Variants in EEF1D observed in about 807,000 individuals in gnomAD.
EEF1D encodes the protein eukaryotic translation elongation factor 1 delta.
A neutral mutation model predicts 63.9 loss-of-function variants in EEF1D; 47 were observed. The observed-to-expected ratio is 0.74, with a 90% confidence interval of 0.58 to 0.94. EEF1D has a LOEUF of 0.94. EEF1D is among the 40% of genes least tolerant of loss of function. The pLI, the probability that EEF1D is intolerant of heterozygous loss-of-function variation, is 0.00. For missense variants in EEF1D, 907 were observed against 899.0 expected (o/e 1.01, Z -0.11); for synonymous variants, 412 against 386.1 (o/e 1.07, Z -0.79).
chr8:143,595,863 C>T (rs897351784), intron 1 of EEF1D, among the ~76,000 whole-genome samples: 1 of 152,216 alleles, frequency 6.6e-6, no homozygotes, highest in African/African-American at 2.4e-5. Flanking sequence ...TGGCTGTCAG[C>T]GAGGTGGGAG....
intron 5 of EEF1D, among the ~76,000 whole-genome samples, chr8:143,585,235 C>A (rs1826334747): frequency 6.6e-6 from 1 of 152,096 alleles, no homozygotes; most frequent in African/African-American, 2.4e-5. Flanking sequence ...ATCCTGGGGG[C>A]CCAAAGCAAG....
intron 4 of EEF1D, 28 bp from the exon 5 acceptor site, chr8:143,586,318 T>C (rs770893820): frequency 2.0e-6 from 3 of 1,482,776 alleles, no homozygotes; most frequent in Admixed American, 2.5e-5. Context: ...AGAACCAGTC[T>C]TTTTTTTATT....
intron 2 of EEF1D, among the ~76,000 whole-genome samples, chr8:143,592,369 G>C (rs779515939): frequency 6.6e-6 from 1 of 152,048 alleles, no homozygotes; most frequent in African/African-American, 2.4e-5. Flanking sequence ...GGCTCCTACC[G>C]AGACCTGGCA....
rs777455462 is a variant in EEF1D, at chr8:143,589,926, G to C, written c.156C>G (p.Pro52=). 1 of 1,599,974 alleles carries C rather than the reference G, an allele frequency of 6.3e-7. No homozygotes were observed. The highest frequency in any genetic ancestry group is 1.3e-5 in the African/African-American group (1 of 75,000). The stretch of plus-strand genomic sequence containing the variant: ...CAGCGTCCTCAGGGTCGTCCTGGCC[G>C]GGCCCATTCATGGCTGGCCCCTCGG... The part of the protein sequence containing the change: ...LPAEGPAMNG[P]GQDDPEDADE... Residue 52 remains proline, a synonymous_variant, in exon 3 of 10, where the codon CCC becomes CCG. Coordinates refer to ENST00000618139, the MANE Select transcript of EEF1D (RefSeq NM_001130053.5).
chr8:143,584,786 G>GGAGC (rs1826250450), intron 5 of EEF1D, among the ~76,000 whole-genome samples: 1 of 152,172 alleles, frequency 6.6e-6, no homozygotes, highest in Admixed American at 6.6e-5. Context: ...GGGCCACACA[G>GGAGC]GAGCGCTCCC....
Position 143,589,100 on chromosome 8 carries a change from G to A in EEF1D, c.982C>T (p.Arg328Cys), listed in dbSNP as rs749241280. Residue 328 changes from arginine (R) to cysteine (C), a missense_variant, in exon 3 of 10, where the codon CGC (arginine) becomes TGC (cysteine). By Grantham distance (180) the Arg-to-Cys change is radical (BLOSUM62 -3). Coordinates refer to ENST00000618139, the MANE Select transcript of EEF1D (RefSeq NM_001130053.5). ...CGCAGGGCCTCGGCAGCGTGGTGGC[G>A]GCACTCGGCGCTGTCGTAGGCAGGC... The part of the protein sequence containing the change: ...SKPAYDSAEC[R>C]HHAAEALRVA... 16 of 1,609,850 alleles carry A rather than the reference G, an allele frequency of 9.9e-6. No homozygotes were observed. Among genetic ancestry groups the A allele is most frequent in the East Asian group, 2.2e-5 (1 of 44,810 alleles).
At chr8:143,581,621 G>A (rs1825582641) in intron 5 of EEF1D, 1 of 506,598 alleles carries the variant, frequency 2.0e-6, no homozygotes, top group Non-Finnish European at 3.5e-6. Flanking sequence ...CTGCTGAGCA[G>A]CCAGGCTCAG....
Position 143,589,744 on chromosome 8 carries a change from A to G in EEF1D, c.338T>C (p.Leu113Pro), listed in dbSNP as rs776440433. The change falls in exon 3 of 10, where the codon CTG (leucine) becomes CCG (proline). Residue 113 changes from leucine to proline, a missense_variant. Physicochemically the swap from Leu to Pro is moderately conservative, Grantham distance 98. Transcript: ENST00000618139. ...TGCCTGGTCGAAAAGTGACTTGTCCAGCCACACGCGTTCGGCCGAGAGGCC... is the reference window on the plus strand; with the variant it reads ...TGCCTGGTCGAAAAGTGACTTGTCCGGCCACACGCGTTCGGCCGAGAGGCC... ...LLGLSAERVWLDKSLFDQAES... is the reference protein window; with the variant it reads ...LLGLSAERVWPDKSLFDQAES... 1.3e-6 allele frequency: 2 copies of G among 1,528,848 alleles called. No individual in the cohort carries two copies. The highest frequency in any genetic ancestry group is 2.1e-5 in the Admixed American group (1 of 46,544). 94.7% of individuals were successfully genotyped at this position (1,528,848 alleles called of 1,614,324 possible).
intron 2 of EEF1D, among the ~76,000 whole-genome samples, chr8:143,592,368 C>T (rs1037780963): frequency 2.0e-5 from 3 of 152,128 alleles, no homozygotes; most frequent in Non-Finnish European, 2.9e-5. Context: ...AGGCTCCTAC[C>T]GAGACCTGGC....
chr8:143,590,309 T>A (rs1394585824), intron 2 of EEF1D: 2 of 701,514 alleles, frequency 2.9e-6, no homozygotes, highest in African/African-American at 3.5e-5. Context: ...CCGGGCGCAG[T>A]GGCTCATGCC....
At chr8:143,597,086 G>T (rs569818948) in intron 1 of EEF1D, 2 of 151,994 alleles carry the variant, frequency 1.3e-5, no homozygotes, top group Non-Finnish European at 1.5e-5. Flanking sequence ...TTCCACGACC[G>T]GGATGCGCCG....
At position 143,589,507 on chromosome 8, in the gene EEF1D, C is replaced by G. The variant is rs753474264; in HGVS notation, c.575G>C (p.Arg192Pro). The change falls in exon 3 of 10, where the codon CGC (arginine) becomes CCC (proline). Residue 192 changes from arginine to proline, a missense_variant. By Grantham distance (103) the Arg-to-Pro change is moderately radical. Transcript: ENST00000618139. ...GCCTGTGTTGGGAGTCCCCTGCCTG[C>G]GGCTGCCGTCGGGGGCCAGCAACAG... Reference protein sequence around the residue: ...QALLLAPDGSRRQGTPNTGQQ... With the variant: ...QALLLAPDGSPRQGTPNTGQQ... The G allele has an allele frequency of 2.0e-6, 3 of 1,511,902 alleles. No individual in the cohort carries two copies. Among genetic ancestry groups the G allele is most frequent in the Non-Finnish European group, 2.7e-6 (3 of 1,128,000 alleles). 93.7% of individuals were successfully genotyped at this position (1,511,902 alleles called of 1,614,324 possible).
At chr8:143,586,887 G>A in intron 3 of EEF1D, 35 bp from the exon 4 acceptor site, 1 of 1,610,166 alleles carries the variant, frequency 6.2e-7, no homozygotes, top group South Asian at 1.1e-5. Flanking sequence ...AGCATGGCTG[G>A]GAAGTGGGCC....
rs766567247 is a variant in EEF1D at position 143,589,374 on chromosome 8, C to T, written c.708G>A (p.Lys236=). ...CCCTCTCGGCTGCATCATACCGGGG[C>T]TTCTCCAGCCACACCTCCCGAACCA... ...QALVREVWLE[K]PRYDAAERGF... is the part of the protein sequence containing the mutation. The change falls in exon 3 of 10, where the codon AAG becomes AAA. Residue 236 remains lysine, a synonymous_variant. Coordinates refer to ENST00000618139, the MANE Select transcript of EEF1D (RefSeq NM_001130053.5). 6.5e-6 allele frequency: 10 copies of T among 1,549,882 alleles called. No homozygotes were observed. The highest frequency in any genetic ancestry group is 2.7e-5 in the African/African-American group (2 of 73,214).
chr8:143,581,388 A>G, intron 5 of EEF1D, 60 bp from the exon 6 acceptor site: 1 of 1,498,194 alleles, frequency 6.7e-7, no homozygotes, highest in Non-Finnish European at 9.1e-7. Context: ...TCCCCCTGCC[A>G]TGCTCAGGAC....
chr8:143,586,041 C>T (rs2130964924), intron 5 of EEF1D, 178 bp downstream of exon 5: 3 of 536,944 alleles, frequency 5.6e-6, no homozygotes, highest in Admixed American at 3.3e-5. Flanking sequence ...AGAATAAGAA[C>T]ACTGTCCGTG....
intron 1 of EEF1D, among the ~76,000 whole-genome samples, chr8:143,595,552 T>C (rs945148518): frequency 6.6e-6 from 1 of 152,180 alleles, no homozygotes; most frequent in African/African-American, 2.4e-5. Context: ...ACATTCCCAC[T>C]CAGCCACTTT....
chr8:143,595,436 C>A (rs891005635), intron 1 of EEF1D, among the ~76,000 whole-genome samples: 6 of 152,104 alleles, frequency 3.9e-5, no homozygotes, highest in African/African-American at 1.4e-4. Flanking sequence ...GATATCCTGA[C>A]CTCATGATCT....
At chr8:143,596,934 G>A (rs947537471) in intron 1 of EEF1D, 2 of 152,344 alleles carry the variant, frequency 1.3e-5, no homozygotes, top group Non-Finnish European at 2.9e-5. Context: ...GTGCTCAGCT[G>A]ATGCGTGCAG....
Sources: allele counts gnomAD v4.1 joint callset (sites outside exome capture counted in the v4.1 genomes callset), GRCh38; gene constraint gnomAD v4.1.1; transcripts MANE v1.5; gene names NCBI Gene and HGNC (gene_info 2026-07-23, HGNC 2026-07-21).